Variants in DDX6 observed in about 807,000 individuals in gnomAD.
DDX6 encodes probable ATP-dependent RNA helicase DDX6.
In DDX6, 7 loss-of-function variants were observed where a neutral mutation model predicts 60.6. The ratio of observed to expected loss-of-function variants is 0.12; its 90% confidence interval spans 0.07 to 0.22. DDX6 has a LOEUF of 0.22. Among genes scored for constraint, DDX6 ranks in the 10% least tolerant of loss-of-function variants. The pLI is 1.00. For missense variants in DDX6, 270 were observed against 589.9 expected, an observed-to-expected ratio of 0.46 and a Z score of 5.62; for synonymous variants, 207 against 201.0, an observed-to-expected ratio of 1.03 and a Z score of -0.25.
chr11:118,771,936 G>A (rs1861548284), intron 4 of DDX6, among the ~76,000 whole-genome samples: 1 of 152,116 alleles, frequency 6.6e-6, no homozygotes, highest in Non-Finnish European at 1.5e-5. Context: ...GGTATACAGC[G>A]AAGAGAAATA....
chr11:118,775,492 G>A (rs1405953569), intron 4 of DDX6, among the ~76,000 whole-genome samples: 1 of 152,008 alleles, frequency 6.6e-6, no homozygotes, highest in African/African-American at 2.4e-5. Flanking sequence ...ATAATCTTGT[G>A]CTTTCCATGG....
Position 118,766,110 on chromosome 11 carries a change from C to G in DDX6, c.500-755G>C, listed in dbSNP as rs114230904. On this transcript the variant is annotated intron_variant, in intron 5 of 13. Transcript: ENST00000534980. ...GAAAAGAAACACTGCCCCTTATAATCTAGATACCGAGATGTATTAAAAAAT... is the reference window on the plus strand; with the variant it reads ...GAAAAGAAACACTGCCCCTTATAATGTAGATACCGAGATGTATTAAAAAAT... Among the ~76,000 whole-genome samples, 600 of 152,024 alleles carry G rather than the reference C, an allele frequency of 3.9e-3. 7 individuals carry two copies. The highest frequency in any genetic ancestry group is 0.014 in the African/African-American group (570 of 41,468).
intron 2 of DDX6, among the ~76,000 whole-genome samples, chr11:118,783,810 C>CAAAAATAAAAAAA (rs770992022): frequency 3.5e-5 from 2 of 56,912 alleles, no homozygotes; most frequent in African/African-American, 1.4e-4. Flanking sequence ...GAGTCCATCT[C>CAAAAATAAAAAAA]AAAAAAAAAA....
rs192287842 is a variant in DDX6 at position 118,786,498 on chromosome 11, T to C, written c.-247A>G. 325 of 329,476 alleles carry C rather than the reference T, an allele frequency of 9.9e-4. No homozygotes were observed. Among genetic ancestry groups the C allele is most frequent in the Non-Finnish European group, 1.2e-3 (219 of 182,272 alleles). The allele number at this position is 329,476 out of a possible 1,614,324, so 20.4% of individuals were successfully genotyped here. ...AGCCCTCTAACAAGCTTGAGTTATATCTGAATTCACTCACGTCAATCTGAA... is the reference window on the plus strand; with the variant it reads ...AGCCCTCTAACAAGCTTGAGTTATACCTGAATTCACTCACGTCAATCTGAA... On this transcript the variant is annotated 5_prime_UTR_variant, in exon 2 of 14. Coordinates refer to ENST00000534980, the MANE Select transcript of DDX6 (RefSeq NM_004397.6).
rs115999686 is a variant in DDX6, at chr11:118,752,394, T to C, written c.*8-297A>G. Among the ~76,000 whole-genome samples, 380 of 152,292 alleles carry C rather than the reference T, an allele frequency of 2.5e-3. 3 individuals carry two copies. Among genetic ancestry groups the C allele is most frequent in the African/African-American group, 8.6e-3 (358 of 41,556 alleles). On this transcript the variant is annotated intron_variant, in intron 13 of 13. Coordinates refer to ENST00000534980, the MANE Select transcript of DDX6 (RefSeq NM_004397.6). ...TACTCTGCCAAAGTACTAGCAAACA[T>C]TGGCTAGTTTCATGCTTGTCCAAGA... is the stretch of plus-strand genomic sequence containing the variant.
At chr11:118,757,618 T>TG (rs2137425714) in intron 9 of DDX6, among the ~76,000 whole-genome samples, 1 of 152,216 alleles carries the variant, frequency 6.6e-6, no homozygotes, top group South Asian at 2.1e-4. Flanking sequence ...GAAATGGAGT[T>TG]TCACTCTTGT....
intron 1 of DDX6, chr11:118,788,940 T>TA (rs1862172125): frequency 6.6e-6 from 1 of 152,014 alleles, no homozygotes; most frequent in South Asian, 2.1e-4. Context: ...CTTAGCCTCC[T>TA]AAAGTGCTAG....
chr11:118,750,010 T>C lies in DDX6; in HGVS notation c.*2095A>G, dbSNP rs1405440132. ...CTGTAGGATTTTGATCTCCAAGGAA[T>C]TGTGGGTGAGTCGCAAATAGTTTGC... On this transcript the variant is annotated 3_prime_UTR_variant, in exon 14 of 14. Coordinates refer to ENST00000534980, the MANE Select transcript of DDX6 (RefSeq NM_004397.6). 6.6e-6 allele frequency: 1 copy of C among 152,548 alleles called. No individual in the cohort carries two copies. Among genetic ancestry groups the C allele is most frequent in the East Asian group, 1.9e-4 (1 of 5,188 alleles). 9.4% of individuals were successfully genotyped at this position (152,548 alleles called of 1,614,324 possible). A position where few individuals can be genotyped will look rare whatever the true frequency, so the allele number is the denominator to read the frequency against.
At chr11:118,776,198 A>T (rs1861694041) in intron 4 of DDX6, among the ~76,000 whole-genome samples, 1 of 152,144 alleles carries the variant, frequency 6.6e-6, no homozygotes, top group Admixed American at 6.5e-5. Context: ...TCCTTTTTTG[A>T]AACTATTATA....
chr11:118,779,425 G>A (rs782204800), intron 4 of DDX6, among the ~76,000 whole-genome samples: 7 of 152,100 alleles, frequency 4.6e-5, no homozygotes, highest in East Asian at 3.9e-4. Flanking sequence ...CTGTGGTTAC[G>A]TAAGAGAATA....
At chr11:118,755,903 A>G (rs2137417225) in intron 11 of DDX6, among the ~76,000 whole-genome samples, 1 of 151,938 alleles carries the variant, frequency 6.6e-6, no homozygotes, top group South Asian at 2.1e-4. Context: ...CCACAATCCC[A>G]GCTACTTGGG....
chr11:118,779,039 C>T (rs1415551845), intron 4 of DDX6, among the ~76,000 whole-genome samples: 7 of 151,670 alleles, frequency 4.6e-5, no homozygotes, highest in Admixed American at 4.6e-4. Context: ...TGCCTGTAGT[C>T]CCAGCTACTA....
At chr11:118,761,182 A>G (rs1861153561) in intron 7 of DDX6, among the ~76,000 whole-genome samples, 1 of 152,118 alleles carries the variant, frequency 6.6e-6, no homozygotes, top group Non-Finnish European at 1.5e-5. Flanking sequence ...CCAGGTTGAA[A>G]TCTTGCCTCC....
chr11:118,782,794 G>A (rs10892290), intron 2 of DDX6, among the ~76,000 whole-genome samples: 1 of 151,872 alleles, frequency 6.6e-6, no homozygotes, highest in African/African-American at 2.4e-5. Flanking sequence ...ACAGGAGCTT[G>A]CCACTACACC....
intron 4 of DDX6, among the ~76,000 whole-genome samples, chr11:118,769,980 T>C (rs1476496796): frequency 6.6e-6 from 1 of 152,120 alleles, no homozygotes; most frequent in Non-Finnish European, 1.5e-5. Flanking sequence ...AGTGCTGGGA[T>C]TACAGGCGTG....
chr11:118,777,638 C>T (rs1861744127), intron 4 of DDX6, among the ~76,000 whole-genome samples: 1 of 151,974 alleles, frequency 6.6e-6, no homozygotes, highest in Admixed American at 6.6e-5. Flanking sequence ...ATCTATAATC[C>T]CAGCACTTTG....
At chr11:118,753,521 G>A (rs945761950) in intron 13 of DDX6, among the ~76,000 whole-genome samples, 3 of 150,874 alleles carry the variant, frequency 2.0e-5, no homozygotes, top group South Asian at 2.1e-4. Flanking sequence ...TGTATTTTTA[G>A]TAGAGACAGG....
At chr11:118,758,557 G>C (rs1861056281) in intron 9 of DDX6, among the ~76,000 whole-genome samples, 1 of 152,070 alleles carries the variant, frequency 6.6e-6, no homozygotes, top group Non-Finnish European at 1.5e-5. Flanking sequence ...TTTTGTAGTA[G>C]AGATGGGGTT....
intron 12 of DDX6, 122 bp from the exon 13 acceptor site, chr11:118,755,009 T>C (rs1457204241): frequency 3.9e-5 from 35 of 906,646 alleles, no homozygotes; most frequent in Non-Finnish European, 5.3e-5. Context: ...ATTCTTAGTA[T>C]GCAAAACAAC....
Sources: allele counts gnomAD v4.1 joint callset (sites outside exome capture counted in the v4.1 genomes callset), GRCh38; gene constraint gnomAD v4.1.1; transcripts MANE v1.5; gene names NCBI Gene and HGNC (gene_info 2026-07-23, HGNC 2026-07-21).